SAP18: variants seen among roughly 807,000 people sequenced by gnomAD.
SAP18 encodes the protein histone deacetylase complex subunit SAP18.
In SAP18, 4 loss-of-function variants were observed where a neutral mutation model predicts 18.6. That is an observed-to-expected ratio of 0.21 (90% CI 0.11 to 0.49). SAP18 has a LOEUF of 0.49. Among genes scored for constraint, SAP18 ranks in the 20% least tolerant of loss-of-function variants. The pLI is 0.98. For synonymous variants in SAP18, 112 were observed against 82.8 expected (o/e 1.35, Z -1.92); for missense variants, 170 against 226.4 (o/e 0.75, Z 1.60).
chr13:21,143,645 G>GT (rs1418828574), intron 2 of SAP18, among the ~76,000 whole-genome samples: 2 of 152,280 alleles, frequency 1.3e-5, no homozygotes, highest in East Asian at 3.9e-4. Context: ...CCTCCCTGTA[G>GT]TAAGTCCTTT....
At chr13:21,140,274 A>C (rs942042565), upstream of SAP18, among the ~76,000 whole-genome samples, 15 of 152,172 alleles carry the variant, frequency 9.9e-5, no homozygotes, top group African/African-American at 3.4e-4. Flanking sequence ...TGTGTCCAAT[A>C]AGGTTTTCGT....
At chr13:21,148,629 G>A (rs1007827345) in exon 4 of SAP18, 32 of 152,146 alleles carry the variant, frequency 2.1e-4, no homozygotes, top group African/African-American at 6.8e-4. Context: ...CCTAGATCTG[G>A]TGCTTCTTCT....
exon 4 of SAP18, chr13:21,148,398 TC>T (rs1869728534): frequency 1.3e-5 from 2 of 152,190 alleles, no homozygotes; most frequent in African/African-American, 4.8e-5. Flanking sequence ...GGCACTACTC[TC>T]ATTTTGAAGT....
intron 3 of SAP18, 60 bp from the exon 4 acceptor site, chr13:21,147,126 G>A (rs779033834): frequency 1.3e-6 from 2 of 1,538,710 alleles, no homozygotes; most frequent in Non-Finnish European, 8.8e-7. Context: ...TATTCACTTT[G>A]TAGTACATAC....
chr13:21,146,989 A>T, intron 3 of SAP18, 62 bp downstream of exon 3: 1 of 1,524,602 alleles, frequency 6.6e-7, no homozygotes. Flanking sequence ...TTTAACTGAT[A>T]CAGATAACTC....
chr13:21,142,616 C>G (rs937343316), intron 2 of SAP18, among the ~76,000 whole-genome samples: 5 of 152,100 alleles, frequency 3.3e-5, no homozygotes, highest in African/African-American at 1.2e-4. Context: ...CATGAGCCAC[C>G]GCACCTGGTC....
chr13:21,145,032 C>T (rs1190757034), intron 2 of SAP18, among the ~76,000 whole-genome samples: 1 of 150,834 alleles, frequency 6.6e-6, no homozygotes. Context: ...GACGTGACAC[C>T]GGTGGAAAAT....
At chr13:21,141,957 C>T (rs1595288462) in intron 2 of SAP18, among the ~76,000 whole-genome samples, 1 of 151,114 alleles carries the variant, frequency 6.6e-6, no homozygotes, top group Admixed American at 6.6e-5. Flanking sequence ...TGAGCTACTG[C>T]GCCCAGCCTA....
intron 3 of SAP18, 37 bp from the exon 4 acceptor site, chr13:21,147,149 A>G (rs780874444): frequency 2.5e-6 from 4 of 1,591,752 alleles, no homozygotes; most frequent in Non-Finnish European, 3.4e-6. Flanking sequence ...GGTTTCATTG[A>G]TTTGGATCCA....
intron 2 of SAP18, chr13:21,146,556 T>C (rs182381435): frequency 1.0e-5 from 3 of 291,822 alleles, no homozygotes; most frequent in African/African-American, 6.5e-5. Flanking sequence ...GCATATAGAA[T>C]CTCTGAAGTC....
exon 4 of SAP18, chr13:21,147,201 C>T (rs1346561351): frequency 6.2e-7 from 1 of 1,612,600 alleles, no homozygotes; most frequent in Non-Finnish European, 8.5e-7. Context: ...AGGAGATTGG[C>T]AGCACCATGT....
exon 4 of SAP18, chr13:21,148,811 A>G (rs755152348): frequency 6.6e-6 from 1 of 152,208 alleles, no homozygotes; most frequent in Non-Finnish European, 1.5e-5. Context: ...AGAGGGTAGG[A>G]ACTAAATAAA....
chr13:21,144,473 G>A (rs1869577525), intron 2 of SAP18, among the ~76,000 whole-genome samples: 2 of 150,066 alleles, frequency 1.3e-5, no homozygotes, highest in Admixed American at 6.7e-5. Flanking sequence ...TGTGGGGGCT[G>A]TCTAGGCCCT....
chr13:21,147,577 TA>T (rs1869693222), exon 4 of SAP18: 1 of 461,030 alleles, frequency 2.2e-6, no homozygotes, highest in Non-Finnish European at 3.9e-6. Flanking sequence ...TGTAAAACTG[TA>T]CTGTTAAATA....
intron 3 of SAP18, 98 bp downstream of exon 3, chr13:21,147,025 A>G: frequency 6.9e-7 from 1 of 1,442,020 alleles, no homozygotes; most frequent in Non-Finnish European, 9.4e-7. Context: ...TTAGTGGGAG[A>G]ATATGGGTTT....
chr13:21,140,605 G>C (rs1869422987), exon 1 of SAP18: 1 of 1,611,626 alleles, frequency 6.2e-7, no homozygotes, highest in Admixed American at 1.7e-5. Context: ...GGCCGTAGGA[G>C]GAAGATGGCG....
intron 1 of SAP18, 58 bp from the exon 2 acceptor site, chr13:21,140,828 C>T (rs761740714): frequency 3.2e-6 from 5 of 1,573,018 alleles, no homozygotes; most frequent in Non-Finnish European, 2.6e-6. Context: ...GAGAGATGAG[C>T]TCCGGGTTCG....
chr13:21,140,218 G>A (rs1434260564), upstream of SAP18, among the ~76,000 whole-genome samples: 1 of 152,186 alleles, frequency 6.6e-6, no homozygotes, highest in Non-Finnish European at 1.5e-5. Flanking sequence ...TCGCGGGCCT[G>A]TTCTTTCATC....
exon 4 of SAP18, chr13:21,148,966 C>G (rs548554365): frequency 6.6e-6 from 1 of 152,106 alleles, no homozygotes; most frequent in Non-Finnish European, 1.5e-5. Flanking sequence ...GAATATAATG[C>G]TAAGAATCAA....
Sources: allele counts gnomAD v4.1 joint callset (sites outside exome capture counted in the v4.1 genomes callset), GRCh38; gene constraint gnomAD v4.1.1; transcripts MANE v1.5; gene names NCBI Gene and HGNC (gene_info 2026-07-23, HGNC 2026-07-21).